Variants in CERT1 observed in about 807,000 individuals in gnomAD.
CERT1 encodes ceramide transfer protein.
CERT1 carries 31 observed loss-of-function variants against 87.9 expected under a neutral mutation model. The ratio of observed to expected loss-of-function variants is 0.35; its 90% CI spans 0.27 to 0.48. The LOEUF is 0.48. Among genes scored for constraint, CERT1 ranks in the 20% least tolerant of loss-of-function variants. The pLI, the probability that CERT1 is intolerant of heterozygous loss-of-function variation, is 0.99. For synonymous variants in CERT1, 289 were observed against 250.9 expected (o/e 1.15, Z -1.44); for missense variants, 487 against 758.0 (o/e 0.64, Z 4.20).
At chr5:75,394,371 T>G (rs755081180) in intron 11 of CERT1, among the ~76,000 whole-genome samples, 2 of 151,614 alleles carry the variant, frequency 1.3e-5, no homozygotes, top group Non-Finnish European at 2.9e-5. Context: ...GAAAAAAAAA[T>G]TAGCTGAGAG....
At chr5:75,448,705 T>A (rs371726006) in intron 3 of CERT1, among the ~76,000 whole-genome samples, 3 of 152,278 alleles carry the variant, frequency 2.0e-5, no homozygotes, top group East Asian at 3.9e-4. Context: ...CAGAATCCCA[T>A]GTGTCCCAGT....
In CERT1 at chr5:75,426,494, A is replaced by G. The variant is rs1763624035; in HGVS notation, c.349-16T>C. ...CAGATTCAGTCTAAAAAAAAAAGTA[A>G]ACTATGTGAAAAGAATTTAAATAAA... On this transcript the variant is annotated splice_polypyrimidine_tract_variant and intron_variant, in intron 3 of 16. Coordinates refer to ENST00000643780, the MANE Select transcript of CERT1 (RefSeq NM_001379029.1). 1 of 1,538,772 alleles carries G rather than the reference A, an allele frequency of 6.5e-7. No individual in the cohort carries two copies.
At chr5:75,413,664 C>A (rs750916963) in intron 7 of CERT1, among the ~76,000 whole-genome samples, 76 of 150,600 alleles carry the variant, frequency 5.0e-4, no homozygotes, top group Non-Finnish European at 8.3e-4. Context: ...AACACCAACA[C>A]CTATACACAC....
intron 13 of CERT1, among the ~76,000 whole-genome samples, chr5:75,385,364 T>C (rs1469143735): frequency 1.3e-5 from 2 of 152,126 alleles, no homozygotes. Flanking sequence ...TCCCAGTTAC[T>C]TGGGAGGCTG....
chr5:75,390,703 T>A (rs1188137508), intron 11 of CERT1, among the ~76,000 whole-genome samples: 1 of 152,168 alleles, frequency 6.6e-6, no homozygotes, highest in African/African-American at 2.4e-5. Flanking sequence ...CCATTAAAAT[T>A]TTATCCTTAA....
intron 2 of CERT1, among the ~76,000 whole-genome samples, chr5:75,474,219 T>C (rs1765852723): frequency 6.6e-6 from 1 of 152,186 alleles, no homozygotes; most frequent in Non-Finnish European, 1.5e-5. Context: ...TACCCCCTGC[T>C]TGCTCAAATC....
At chr5:75,418,678 T>C (rs902422429) in intron 6 of CERT1, among the ~76,000 whole-genome samples, 1 of 152,134 alleles carries the variant, frequency 6.6e-6, no homozygotes, top group African/African-American at 2.4e-5. Flanking sequence ...ACTACTGATA[T>C]ATGCAACAAT....
At chr5:75,499,421 T>C (rs76880629) in intron 2 of CERT1, among the ~76,000 whole-genome samples, 11,916 of 152,188 alleles carry the variant, frequency 0.078, 558 homozygotes, top group South Asian at 0.17. Context: ...AATTGAATCA[T>C]GGGAGTGATG....
intron 3 of CERT1, among the ~76,000 whole-genome samples, chr5:75,456,662 T>A (rs1265675351): frequency 1.9e-4 from 10 of 52,102 alleles, no homozygotes; most frequent in South Asian, 7.4e-4. Context: ...TGACCTCATC[T>A]CAAAAAAAAA....
chr5:75,429,197 A>T (rs139066733), intron 3 of CERT1, among the ~76,000 whole-genome samples: 4,311 of 146,642 alleles, frequency 0.029, 106 homozygotes, highest in East Asian at 0.061. Context: ...TAATAATAAT[A>T]ATTATTATTA....
chr5:75,493,660 T>C (rs1338313583), intron 2 of CERT1, among the ~76,000 whole-genome samples: 1 of 152,216 alleles, frequency 6.6e-6, no homozygotes, highest in African/African-American at 2.4e-5. Context: ...TAAAAATCTA[T>C]TATACTGGAC....
At chr5:75,426,164 TAATG>T (rs1329278371) in intron 4 of CERT1, among the ~76,000 whole-genome samples, 6 of 152,220 alleles carry the variant, frequency 3.9e-5, no homozygotes, top group African/African-American at 9.6e-5. Flanking sequence ...TTTACCTCAT[TAATG>T]AATGAATGAA....
chr5:75,454,245 A>T (rs1257822696), intron 3 of CERT1, among the ~76,000 whole-genome samples: 1 of 152,184 alleles, frequency 6.6e-6, no homozygotes, highest in Non-Finnish European at 1.5e-5. Flanking sequence ...CCTCCTTTCA[A>T]TAACTTACCA....
At chr5:75,384,865 C>G (rs889049566) in intron 13 of CERT1, among the ~76,000 whole-genome samples, 153 bp from the exon 14 acceptor site, 6 of 152,120 alleles carry the variant, frequency 3.9e-5, no homozygotes, top group African/African-American at 7.2e-5. Flanking sequence ...GTAGCTAATA[C>G]TTAGTATTAT....
At chr5:75,473,119 T>G (rs1306974258) in intron 2 of CERT1, among the ~76,000 whole-genome samples, 2 of 152,158 alleles carry the variant, frequency 1.3e-5, no homozygotes, top group African/African-American at 4.8e-5. Context: ...CTTGCTCTGT[T>G]GCCCAGGCTG....
intron 12 of CERT1, among the ~76,000 whole-genome samples, chr5:75,387,249 C>T (rs1367485437): frequency 6.6e-6 from 1 of 152,142 alleles, no homozygotes; most frequent in Non-Finnish European, 1.5e-5. Flanking sequence ...CTGGCAGTTC[C>T]TAGATGTGGT....
chr5:75,431,278 T>C (rs1763854996), intron 3 of CERT1, among the ~76,000 whole-genome samples: 1 of 152,118 alleles, frequency 6.6e-6, no homozygotes, highest in Non-Finnish European at 1.5e-5. Context: ...ATGTACTGAA[T>C]GTTTACCTCC....
downstream of CERT1, chr5:75,373,034 A>G (rs1761142756): frequency 6.6e-6 from 1 of 152,220 alleles, no homozygotes; most frequent in East Asian, 1.9e-4. Context: ...AAACTGAAAA[A>G]GGTATTTTAC....
chr5:75,504,089 A>G (rs1312033244), intron 2 of CERT1, among the ~76,000 whole-genome samples: 5 of 151,956 alleles, frequency 3.3e-5, no homozygotes, highest in Admixed American at 6.6e-5. Context: ...TCATTATACT[A>G]TTTTCAAAGA....
Sources: allele counts gnomAD v4.1 joint callset (sites outside exome capture counted in the v4.1 genomes callset), GRCh38; gene constraint gnomAD v4.1.1; transcripts MANE v1.5; gene names NCBI Gene and HGNC (gene_info 2026-07-23, HGNC 2026-07-21).